KCNMA1: variants seen among roughly 807,000 people sequenced by gnomAD.
The protein encoded by KCNMA1 is potassium calcium-activated channel subfamily M alpha 1, also known as Calcium-activated potassium channel subunit alpha-1.
A neutral mutation model predicts 140.0 loss-of-function variants in KCNMA1; 29 were observed. That is an observed-to-expected ratio of 0.21 (90% confidence interval 0.15 to 0.28). The LOEUF is 0.28. Ranked by LOEUF, KCNMA1 falls within the 10% of genes least tolerant of loss-of-function variation. KCNMA1 has a pLI of 1.00. For synonymous variants in KCNMA1, 612 were observed against 611.9 expected (o/e 1.00, Z 0.00); for missense variants, 880 against 1,602.2 (o/e 0.55, Z 7.70).
intron 5 of KCNMA1, among the ~76,000 whole-genome samples, chr10:77,148,041 C>A (rs913894826): frequency 2.6e-5 from 4 of 152,068 alleles, no homozygotes; most frequent in Non-Finnish European, 5.9e-5. Flanking sequence ...CCTTTTGGGA[C>A]TGACCCTGCC....
intron 9 of KCNMA1, 105 bp from the exon 10 acceptor site, chr10:77,090,615 C>A (rs568738874): frequency 2.1e-5 from 16 of 771,954 alleles, no homozygotes; most frequent in Non-Finnish European, 3.0e-5. Context: ...GGGAAGCATT[C>A]ATCTCCTCCC....
intron 17 of KCNMA1, among the ~76,000 whole-genome samples, chr10:77,014,863 C>T (rs1165976169): frequency 3.3e-5 from 5 of 152,198 alleles, no homozygotes; most frequent in African/African-American, 1.2e-4. Context: ...CCATCTTTGC[C>T]TCTGTCATGC....
At chr10:77,426,476 C>T (rs992729059) in intron 1 of KCNMA1, among the ~76,000 whole-genome samples, 5 of 152,120 alleles carry the variant, frequency 3.3e-5, no homozygotes, top group Non-Finnish European at 7.3e-5. Flanking sequence ...GTGAACGACT[C>T]GAGGTCACAC....
chr10:77,419,607 C>T (rs1028597551), intron 1 of KCNMA1, among the ~76,000 whole-genome samples: 4 of 152,122 alleles, frequency 2.6e-5, no homozygotes, highest in African/African-American at 9.7e-5. Context: ...ATTTTTTGAA[C>T]TCAGTGGTAG....
chr10:77,391,651 T>A (rs1314166778), intron 2 of KCNMA1, among the ~76,000 whole-genome samples: 1 of 151,772 alleles, frequency 6.6e-6, no homozygotes, highest in Non-Finnish European at 1.5e-5. Context: ...TTTGTTTTTT[T>A]CTGGAAAAAG....
At chr10:76,995,791 C>T (rs1184405059) in intron 19 of KCNMA1, 1 of 421,506 alleles carries the variant, frequency 2.4e-6, no homozygotes, top group Non-Finnish European at 4.8e-6. Context: ...GGCATGCCAA[C>T]ATCTTTTCTA....
intron 1 of KCNMA1, among the ~76,000 whole-genome samples, chr10:77,438,724 T>G (rs887798068): frequency 6.6e-6 from 1 of 152,200 alleles, no homozygotes; most frequent in African/African-American, 2.4e-5. Flanking sequence ...GAGCCAGGAT[T>G]GGCTACTACA....
At position 77,225,637 on chromosome 10, in the gene KCNMA1, T is replaced by C. The variant is rs1333294838; in HGVS notation, c.602+25558A>G. ...AGGAAGCATGGGAAACTCCTGCGGC[T>C]GTCGTAGGTGCCCACGGGACTGCTG... On this transcript the variant is annotated intron_variant, in intron 3 of 27. Transcript: ENST00000286628. Among the ~76,000 whole-genome samples, 6 of 152,160 alleles carry C rather than the reference T, an allele frequency of 3.9e-5. 1 individual carries two copies. Among genetic ancestry groups the C allele is most frequent in the Admixed American group, 3.9e-4 (6 of 15,278 alleles).
intron 2 of KCNMA1, among the ~76,000 whole-genome samples, chr10:77,388,577 C>T (rs1409490457): frequency 6.6e-6 from 1 of 152,162 alleles, no homozygotes; most frequent in African/African-American, 2.4e-5. Context: ...GTTTAATGTA[C>T]ACAAAATTAT....
chr10:77,326,959 A>G (rs780995511), intron 2 of KCNMA1, among the ~76,000 whole-genome samples: 1 of 152,148 alleles, frequency 6.6e-6, no homozygotes, highest in Non-Finnish European at 1.5e-5. Flanking sequence ...ATCCCTCCCC[A>G]GTATACCTGG....
intron 5 of KCNMA1, among the ~76,000 whole-genome samples, chr10:77,164,637 C>G (rs2098614198): frequency 6.6e-6 from 1 of 152,032 alleles, no homozygotes; most frequent in South Asian, 2.1e-4. Flanking sequence ...CTATCTAGAC[C>G]CCAGGGAAGT....
chr10:77,193,256 G>C (rs143887720), intron 3 of KCNMA1, among the ~76,000 whole-genome samples: 53 of 152,282 alleles, frequency 3.5e-4, no homozygotes, highest in African/African-American at 1.2e-3. Context: ...CAGCTTATCT[G>C]CAGACTACAA....
intron 2 of KCNMA1, among the ~76,000 whole-genome samples, chr10:77,368,324 C>T (rs1170251359): frequency 2.0e-5 from 3 of 152,184 alleles, no homozygotes; most frequent in Non-Finnish European, 2.9e-5. Context: ...AGCTTATTTG[C>T]CATCCAAATA....
intron 1 of KCNMA1, among the ~76,000 whole-genome samples, chr10:77,575,188 C>A (rs1672846590): frequency 6.6e-6 from 1 of 152,136 alleles, no homozygotes; most frequent in South Asian, 2.1e-4. Context: ...CCCCAACAGC[C>A]CCACCGTTCC....
chr10:77,069,156 G>A (rs997828005), intron 14 of KCNMA1, among the ~76,000 whole-genome samples: 1 of 152,190 alleles, frequency 6.6e-6, no homozygotes, highest in Non-Finnish European at 1.5e-5. Flanking sequence ...TTCATTGCCT[G>A]GGTCTTTACA....
intron 1 of KCNMA1, among the ~76,000 whole-genome samples, chr10:77,588,116 G>A (rs1283432073): frequency 6.6e-6 from 1 of 152,156 alleles, no homozygotes; most frequent in Non-Finnish European, 1.5e-5. Context: ...TTTTTAACAA[G>A]CAGCCACAAA....
intron 1 of KCNMA1, among the ~76,000 whole-genome samples, chr10:77,437,778 G>A (rs1050235575): frequency 2.6e-5 from 4 of 152,128 alleles, no homozygotes; most frequent in Non-Finnish European, 5.9e-5. Context: ...CATGCTCTGT[G>A]GACAAAATAG....
intron 1 of KCNMA1, among the ~76,000 whole-genome samples, chr10:77,562,980 A>T (rs184166862): frequency 1.3e-5 from 2 of 152,348 alleles, no homozygotes; most frequent in Admixed American, 1.3e-4. Context: ...AGATGGGGAA[A>T]AAATTACGCT....
chr10:77,580,337 C>T (rs558397564), intron 1 of KCNMA1, among the ~76,000 whole-genome samples: 58 of 148,116 alleles, frequency 3.9e-4, no homozygotes, highest in Admixed American at 1.5e-3. Flanking sequence ...GCCGAGATGG[C>T]GCCACTGCAC....
Sources: gnomAD v4.1 joint callset for allele counts (sites outside exome capture counted in the v4.1 genomes callset) on GRCh38, gnomAD v4.1.1 for gene constraint, MANE v1.5 for transcripts, NCBI Gene and HGNC (gene_info 2026-07-23, HGNC 2026-07-21) for gene names.